Variants in GGN observed in about 807,000 individuals in gnomAD.
GGN encodes the protein gametogenetin.
GGN carries 27 observed loss-of-function variants against 35.5 expected under a neutral mutation model. The ratio of observed to expected loss-of-function variants is 0.76; its 90% CI spans 0.56 to 1.05. The LOEUF is 1.05. Ranked by LOEUF, GGN falls within the 50% of genes least tolerant of loss-of-function variation. GGN has a pLI of 0.00. For synonymous variants in GGN, 425 were observed against 444.1 expected (o/e 0.96, Z 0.54); for missense variants, 1,006 against 940.7 (o/e 1.07, Z -0.91).
rs758379609 is a variant in GGN at position 38,385,458 on chromosome 19, G to A, written c.1804C>T (p.Pro602Ser). The change falls in exon 3 of 4, where the codon CCA becomes TCA. Residue 602 changes from proline to serine, a missense_variant. Physicochemically the swap from Pro to Ser is moderately conservative, Grantham distance 74. Transcript: ENST00000334928. ...TTGCGTGGCAGGCGGCGATGGCGTG[G>A]CTGGTGGTGGCAGTAACACTTGCAG... Reference protein sequence around the residue: ...CPCKCYCHHQPRHRRLPRNVS... With the variant: ...CPCKCYCHHQSRHRRLPRNVS... 2 of 1,614,170 alleles carry A rather than the reference G, an allele frequency of 1.2e-6. No homozygotes were observed. Among genetic ancestry groups the A allele is most frequent in the African/African-American group, 1.3e-5 (1 of 75,068 alleles).
At position 38,386,242 on chromosome 19, in the gene GGN, G is replaced by T; in HGVS notation, c.1020C>A (p.Pro340=). ...GCTTCGAGCCTGGGAAGGTGGTGTA[G>T]GGTGGCGGCGGTAGGGCCCGGGCTT... The part of the protein sequence containing the change: ...ASQARALPPP[P]YTTFPGSKPK... The change falls in exon 3 of 4, where the codon CCC becomes CCA. Residue 340 remains proline, a synonymous_variant. Coordinates refer to ENST00000334928, the MANE Select transcript of GGN (RefSeq NM_152657.4). The T allele has an allele frequency of 6.2e-7, 1 of 1,609,684 alleles. No homozygotes were observed.
intron 3 of GGN, 58 bp downstream of exon 3, chr19:38,385,363 T>C: frequency 6.2e-7 from 1 of 1,608,502 alleles, no homozygotes; most frequent in Admixed American, 1.7e-5. Flanking sequence ...AAGGGCTGAG[T>C]AGGACTCTAT....
At position 38,386,226 on chromosome 19, in the gene GGN, C is replaced by T. The variant is rs752508881; in HGVS notation, c.1036G>A (p.Gly346Ser). ...LPPPPYTTFP[G>S]SKPKFDWVSA... ...ACCCAGTCGAATTTGGGCTTCGAGC[C>T]TGGGAAGGTGGTGTAGGGTGGCGGC... The change falls in exon 3 of 4, where the codon GGC becomes AGC. Residue 346 changes from glycine to serine, a missense_variant. By Grantham distance (56) the Gly-to-Ser change is moderately conservative. Transcript: ENST00000334928. 5 of 1,608,576 alleles carry T rather than the reference C, an allele frequency of 3.1e-6. No homozygotes were observed. The highest frequency in any genetic ancestry group is 1.1e-5 in the South Asian group (1 of 90,954).
chr19:38,385,740 AG>A lies in GGN; in HGVS notation c.1521del (p.Ser508ArgfsTer108). ...SPAPAPTVAEPSPPVSAPAPA... is the reference protein window; with the variant it reads ...SPAPAPTVAEXSPPVSAPAPA... ...GGTGCGGGCGCGGACACAGGCGGCG[AG>A]GGCTCAGCCACGGTGGGAGCTGGAG... On this transcript the variant is annotated frameshift_variant, in exon 3 of 4. Coordinates refer to ENST00000334928, the MANE Select transcript of GGN (RefSeq NM_152657.4). LOFTEE classifies it high-confidence loss of function. The A allele has an allele frequency of 1.3e-6, 2 of 1,565,570 alleles. No homozygotes were observed. The highest frequency in any genetic ancestry group is 8.7e-7 in the Non-Finnish European group (1 of 1,154,422).
In GGN at chr19:38,386,857, G is replaced by C. The variant is rs767369007; in HGVS notation, c.405C>G (p.Asp135Glu). Residue 135 changes from aspartate to glutamate, a missense_variant, in exon 3 of 4, where the codon GAC (aspartate) becomes GAG (glutamate). Asp to Glu is a conservative substitution (Grantham distance 45). Transcript: ENST00000334928. ...GCTTCAGCGGGCGGAGGCTCGGAGG[G>C]TCGCCCTGGCCGCGATGGCTCGCCT... ...LLEASHRGQGDPPSLRPLKPP... is the reference protein window; with the variant it reads ...LLEASHRGQGEPPSLRPLKPP... 1.3e-6 allele frequency: 2 copies of C among 1,597,734 alleles called. No individual in the cohort carries two copies. Among genetic ancestry groups the C allele is most frequent in the South Asian group, 2.2e-5 (2 of 89,700 alleles).
chr19:38,384,959 G>A (rs188610914), intron 3 of GGN, among the ~76,000 whole-genome samples: 48 of 152,314 alleles, frequency 3.2e-4, no homozygotes, highest in Admixed American at 1.8e-3. Flanking sequence ...GGCTAGAGGG[G>A]TCAGGAGTCC....
intron 3 of GGN, among the ~76,000 whole-genome samples, chr19:38,385,038 C>A (rs914864114): frequency 5.3e-5 from 8 of 152,226 alleles, no homozygotes; most frequent in African/African-American, 1.7e-4. Context: ...GGAAGACAGT[C>A]ATCCCCTCAC....
At position 38,384,277 on chromosome 19, in the gene GGN, G is replaced by A; in HGVS notation, c.*135C>T. On this transcript the variant is annotated 3_prime_UTR_variant, in exon 4 of 4. Transcript: ENST00000334928. Reference sequence around the variant, plus strand: ...GGTCCAGCTTCACGATTGTTTCCAAGATGTGCTTTAATGGCGATCCTGCCC... The same window carrying A: ...GGTCCAGCTTCACGATTGTTTCCAAAATGTGCTTTAATGGCGATCCTGCCC... 2 of 703,402 alleles carry A rather than the reference G, an allele frequency of 2.8e-6. No homozygotes were observed. Among genetic ancestry groups the A allele is most frequent in the Non-Finnish European group, 5.1e-6 (2 of 392,560 alleles). The allele number at this position is 703,402 out of a possible 1,614,324, so 43.6% of individuals were successfully genotyped here. A position where few individuals can be genotyped will look rare whatever the true frequency, so the allele number is the denominator to read the frequency against.
At position 38,385,871 on chromosome 19, in the gene GGN, G is replaced by T. The variant is rs777762753; in HGVS notation, c.1391C>A (p.Pro464Gln). 9 of 1,546,744 alleles carry T rather than the reference G, an allele frequency of 5.8e-6. No homozygotes were observed. Among genetic ancestry groups the T allele is most frequent in the African/African-American group, 1.4e-5 (1 of 73,102 alleles). ...CTTGTGGCCCAGACCCGGGGTGAGC[G>T]GGGGAGCCACCGGCAGCGGCGTTGG... Reference protein sequence around the residue: ...LQPTPLPVAPPLTPGLGHKES... With the variant: ...LQPTPLPVAPQLTPGLGHKES... The change falls in exon 3 of 4, where the codon CCG becomes CAG. Residue 464 changes from proline (P) to glutamine (Q), a missense_variant. By Grantham distance (76) the Pro-to-Gln change is moderately conservative (BLOSUM62 -1). Coordinates refer to ENST00000334928, the MANE Select transcript of GGN (RefSeq NM_152657.4).
chr19:38,387,225 C>T lies in GGN; in HGVS notation c.37G>A (p.Gly13Ser), dbSNP rs759521317. The change falls in exon 3 of 4, where the codon GGC becomes AGC. Residue 13 changes from glycine to serine, a missense_variant. Transcript: ENST00000334928. The surrounding 1 kb of genome is among the most constrained non-coding windows in gnomAD (Gnocchi z 5.3). ...NLQSEPSAGG[G>S]SRKVQPSDRA... ...TCCGAGGGCTGCACTTTTCGGGAGC[C>T]CCCGCCCGCGGATGGCTCCGACTGC... The T allele has an allele frequency of 1.3e-6, 2 of 1,595,506 alleles. No individual in the cohort carries two copies. The highest frequency in any genetic ancestry group is 3.5e-5 in the Admixed American group (2 of 57,936).
rs1970674655 is a variant in GGN, at chr19:38,384,391, AGGGTGTTG to A, written c.*13_*20del. 22 of 1,533,798 alleles carry A rather than the reference AGGGTGTTG, an allele frequency of 1.4e-5. No homozygotes were observed. The highest frequency in any genetic ancestry group is 1.8e-5 in the Non-Finnish European group (20 of 1,107,824). On this transcript the variant is annotated 3_prime_UTR_variant, in exon 4 of 4. Coordinates refer to ENST00000334928, the MANE Select transcript of GGN (RefSeq NM_152657.4). ...TTTATTGGCATGGAGGGGAAGGTGG[AGGGTGTTG>A]AGCCGACTACACTCAGTTGGAATGG...
upstream of GGN, among the ~76,000 whole-genome samples, chr19:38,388,242 TC>T (rs1970767110): frequency 1.3e-5 from 2 of 151,396 alleles, no homozygotes; most frequent in Non-Finnish European, 2.9e-5. Flanking sequence ...ACCCTCTCCT[TC>T]CCCCCGGGCG....
At chr19:38,384,593 G>A in intron 3 of GGN, 64 bp from the exon 4 acceptor site, 1 of 1,203,840 alleles carries the variant, frequency 8.3e-7, no homozygotes. Context: ...CCCTTCTAGG[G>A]CCTCCCTGTC....
chr19:38,387,025 C>T lies in GGN; in HGVS notation c.237G>A (p.Arg79=). 1 of 1,546,576 alleles carries T rather than the reference C, an allele frequency of 6.5e-7. No homozygotes were observed. The highest frequency in any genetic ancestry group is 8.7e-7 in the Non-Finnish European group (1 of 1,144,654). Residue 79 remains arginine, a synonymous_variant, in exon 3 of 4, where the codon CGG becomes CGA. Transcript: ENST00000334928. This position sits in a 1 kb window ranked among gnomAD's most constrained non-coding sequence, Gnocchi z 5.3. ...CAGGAGGGGGCATCACTGGAGAGGG[C>T]CGTTCTAAGGTGAGGGGCAGGGTCG... ...SPSTLPLTLE[R]PSPVMPPPEE... is the part of the protein sequence containing the mutation.
chr19:38,385,375 C>T (rs1296002085), intron 3 of GGN, 46 bp downstream of exon 3: 1 of 1,611,096 alleles, frequency 6.2e-7, no homozygotes, highest in African/African-American at 1.3e-5. Flanking sequence ...GGACTCTATC[C>T]AGCAGTCTGG....
chr19:38,387,022 G>T lies in GGN; in HGVS notation c.240C>A (p.Pro80=). ...PSTLPLTLER[P]SPVMPPPEEA... ...CTTCAGGAGGGGGCATCACTGGAGAGGGCCGTTCTAAGGTGAGGGGCAGGG... is the reference window on the plus strand; with the variant it reads ...CTTCAGGAGGGGGCATCACTGGAGATGGCCGTTCTAAGGTGAGGGGCAGGG... Residue 80 remains proline (P), a synonymous_variant, in exon 3 of 4, where the codon CCC becomes CCA. Transcript: ENST00000334928. This position sits in a 1 kb window ranked among gnomAD's most constrained non-coding sequence, Gnocchi z 5.3. 2 of 1,548,992 alleles carry T rather than the reference G, an allele frequency of 1.3e-6. No individual in the cohort carries two copies. The highest frequency in any genetic ancestry group is 1.2e-5 in the South Asian group (1 of 82,532).
rs369901778 is a variant in GGN at position 38,384,468 on chromosome 19, C to G, written c.1903G>C (p.Gly635Arg). The G allele has an allele frequency of 2.5e-6, 4 of 1,614,030 alleles. No individual in the cohort carries two copies. Among genetic ancestry groups the G allele is most frequent in the East Asian group, 2.2e-5 (1 of 44,872 alleles). Residue 635 changes from glycine (G) to arginine (R), a missense_variant, in exon 4 of 4, where the codon GGC becomes CGC. By Grantham distance (125) the Gly-to-Arg change is moderately radical. Coordinates refer to ENST00000334928, the MANE Select transcript of GGN (RefSeq NM_152657.4). ...TGCTCCAGCTTGGCCACCAGAGAGC[C>G]GGACAGCTTGATGGTGGCAACCCAG... The part of the protein sequence containing the change: ...PPWVATIKLS[G>R]SLVAKLEHYD...
Position 38,386,605 on chromosome 19 carries a change from C to T in GGN, c.657G>A (p.Gly219=), listed in dbSNP as rs1600506421. The change falls in exon 3 of 4, where the codon GGG becomes GGA. Residue 219 remains glycine, a synonymous_variant. Transcript: ENST00000334928. The part of the protein sequence containing the change: ...QGQTAGRARG[G]APPHAGEGEM... ...CGCCTTCGCCCGCATGGGGAGGCGC[C>T]CCTCCGCGAGCCCTGCCGGCCGTCT... is the stretch of plus-strand genomic sequence containing the variant. 2 of 1,612,982 alleles carry T rather than the reference C, an allele frequency of 1.2e-6. No individual in the cohort carries two copies. The highest frequency in any genetic ancestry group is 1.7e-6 in the Non-Finnish European group (2 of 1,179,592).
intron 3 of GGN, 41 bp downstream of exon 3, chr19:38,385,380 G>T: frequency 6.2e-7 from 1 of 1,612,012 alleles, no homozygotes; most frequent in Non-Finnish European, 8.5e-7. Context: ...CTATCCAGCA[G>T]TCTGGGGTTC....
Sources: gnomAD v4.1 joint callset for allele counts (sites outside exome capture counted in the v4.1 genomes callset) on GRCh38, gnomAD v4.1.1 for gene constraint, Gnocchi (gnomAD v3.1) non-coding constraint, MANE v1.5 for transcripts, NCBI Gene and HGNC (gene_info 2026-07-23, HGNC 2026-07-21) for gene names.